BAIAP3: variants seen among roughly 807,000 people sequenced by gnomAD.
The protein encoded by BAIAP3 is BAI1 associated protein 3.
A neutral mutation model predicts 149.7 loss-of-function variants in BAIAP3; 180 were observed. The observed-to-expected ratio is 1.20, with a 90% CI of 1.07 to 1.36. The LOEUF (loss-of-function observed/expected upper bound fraction) is 1.36. Ranked by LOEUF, BAIAP3 falls within the 40% of genes most tolerant of loss-of-function variation. The pLI is 0.00. For synonymous variants in BAIAP3, 845 were observed against 670.7 expected (o/e 1.26, Z -4.02); for missense variants, 1,767 against 1,563.4 (o/e 1.13, Z -2.20).
At chr16:1,340,885 G>T in intron 5 of BAIAP3, 37 bp from the exon 6 acceptor site, 2 of 1,551,820 alleles carry the variant, frequency 1.3e-6, no homozygotes, top group Non-Finnish European at 1.7e-6. Flanking sequence ...CGCTTCAGGG[G>T]TTGCCTAGGC....
rs756395657 is a variant in BAIAP3 at position 1,345,864 on chromosome 16, CAG to C, written c.2183_2184del (p.Gln728ArgfsTer12). ...GGCGTGGCCTGACCCTGCCCAGGCTCAGGGGCTGGGCACCCAGCTTGGCCAGG... is the reference window on the plus strand; with the variant it reads ...GGCGTGGCCTGACCCTGCCCAGGCTCGGGCTGGGCACCCAGCTTGGCCAGG... ...RLAWPDPAQA[Q>X]GLGTQLGQDV... On this transcript the variant is annotated frameshift_variant, in exon 23 of 34. Transcript: ENST00000426824. LOFTEE classifies it high-confidence loss of function. 1.5e-5 allele frequency: 24 copies of C among 1,578,866 alleles called. No individual in the cohort carries two copies. In the South Asian group the frequency reaches 1.6e-4, roughly 11 times the overall value.
rs372896538 is a variant in BAIAP3, at chr16:1,348,066, G to A, written c.3150-30G>A. The A allele has an allele frequency of 5.4e-6, 8 of 1,474,942 alleles. No individual in the cohort carries two copies. The African/African-American group carries it at 1.8e-4, about 34-fold the overall frequency. The allele number at this position is 1,474,942 out of a possible 1,614,324, so 91.4% of individuals were successfully genotyped here. The stretch of plus-strand genomic sequence containing the variant: ...CAGCCCCAGGCTCCAGGCTGCCGGA[G>A]CGAGACTCCCGACTGGCCTCTGTCC... On this transcript the variant is annotated intron_variant, in intron 32 of 33. Transcript: ENST00000426824.
chr16:1,338,397 G>A (rs1703904408), intron 1 of BAIAP3, 143 bp from the exon 2 acceptor site: 1 of 1,087,622 alleles, frequency 9.2e-7, no homozygotes, highest in Non-Finnish European at 1.3e-6. Context: ...CTGACCAGGT[G>A]CCCAGCGCCA....
chr16:1,344,391 C>T (rs1029304205), intron 17 of BAIAP3, 74 bp downstream of exon 17: 9 of 1,609,620 alleles, frequency 5.6e-6, no homozygotes, highest in African/African-American at 1.3e-5. Context: ...GTCCCCTGCA[C>T]CTCTGCACCA....
Position 1,348,697 on chromosome 16 carries a change from C to T in BAIAP3, c.*215C>T, listed in dbSNP as rs1487102330. 25 of 604,748 alleles carry T rather than the reference C, an allele frequency of 4.1e-5. 1 individual carries two copies. The Admixed American group carries it at 7.0e-4, about 17-fold the overall frequency. 37.5% of individuals were successfully genotyped at this position (604,748 alleles called of 1,614,324 possible). On this transcript the variant is annotated 3_prime_UTR_variant, in exon 34 of 34. Transcript: ENST00000426824. ...TGCACCCAACCCCACATCTGGGTGG[C>T]CAACTTGGCAGGACTTGGCCAGCAG... is the stretch of plus-strand genomic sequence containing the variant.
At chr16:1,344,881 C>T (rs2034204845) in intron 20 of BAIAP3, 32 bp downstream of exon 20, 2 of 1,613,706 alleles carry the variant, frequency 1.2e-6, no homozygotes, top group Non-Finnish European at 8.5e-7. Context: ...GGGTGCCTGC[C>T]AGGCATGGGG....
At position 1,338,656 on chromosome 16, in the gene BAIAP3, C is replaced by T. The variant is rs1042827145; in HGVS notation, c.107C>T (p.Pro36Leu). The T allele has an allele frequency of 1.8e-5, 29 of 1,589,114 alleles. No homozygotes were observed. Among genetic ancestry groups the T allele is most frequent in the Non-Finnish European group, 2.3e-5 (27 of 1,169,624 alleles). ...GACCCAGGGAGTGCCAGCGCCGACC[C>T]GCAGGAGCCTGCCACGGGGGCCTGG... ...EQDPGSASADPQEPATGAWKP... is the reference protein window; with the variant it reads ...EQDPGSASADLQEPATGAWKP... The change falls in exon 2 of 34, where the codon CCG becomes CTG. Residue 36 changes from proline (P) to leucine (L), a missense_variant. Transcript: ENST00000426824.
chr16:1,335,865 A>C (rs7201634), intron 1 of BAIAP3, among the ~76,000 whole-genome samples: 1 of 152,152 alleles, frequency 6.6e-6, no homozygotes, highest in Non-Finnish European at 1.5e-5. Flanking sequence ...TGCCGTCCCC[A>C]GCCCACTTGC....
intron 10 of BAIAP3, 38 bp downstream of exon 10, chr16:1,342,101 C>G: frequency 1.3e-6 from 2 of 1,573,900 alleles, no homozygotes; most frequent in African/African-American, 1.3e-5. Context: ...TCACCCGTGC[C>G]CTCAGCTTGG....
rs547392058 is a variant in BAIAP3, at chr16:1,344,582, G to A, written c.1660-19G>A. The A allele has an allele frequency of 8.7e-6, 14 of 1,612,726 alleles. No individual in the cohort carries two copies. Among genetic ancestry groups the A allele is most frequent in the Middle Eastern group, 3.3e-4 (2 of 6,062 alleles). ...GTACGGGCAGCCGAGAGGTGGGTACGAGCTAGGCTTCCTTGCAGCCAGGAC... is the reference window on the plus strand; with the variant it reads ...GTACGGGCAGCCGAGAGGTGGGTACAAGCTAGGCTTCCTTGCAGCCAGGAC... On this transcript the variant is annotated intron_variant, in intron 18 of 33. Transcript: ENST00000426824.
In BAIAP3 at chr16:1,347,359, G is replaced by C. The variant is rs778593583; in HGVS notation, c.2813G>C (p.Gly938Ala). 68 of 1,613,430 alleles carry C rather than the reference G, an allele frequency of 4.2e-5. No homozygotes were observed. Among genetic ancestry groups the C allele is most frequent in the Non-Finnish European group, 1.7e-5 (20 of 1,179,980 alleles). Residue 938 changes from glycine (G) to alanine (A), a missense_variant, in exon 29 of 34, where the codon GGA (glycine) becomes GCA (alanine). By Grantham distance (60) the Gly-to-Ala change is moderately conservative (BLOSUM62 0). Coordinates refer to ENST00000426824, the MANE Select transcript of BAIAP3 (RefSeq NM_001199097.2). ...TTGCCCCTGGAGAGCCTGAGGGATG[G>C]AAGCTACAAGGTGAGGTGGGACCCT... Reference protein sequence around the residue: ...QGLPLESLRDGSYKRLKEELR... With the variant: ...QGLPLESLRDASYKRLKEELR...
Position 1,346,270 on chromosome 16 carries a change from T to C in BAIAP3, c.2402T>C (p.Val801Ala), listed in dbSNP as rs1182604671. ...WPEGATGPEG[V>A]LPRPLLSCTQ... Reference sequence around the variant, plus strand: ...GAGGGGGCCACGGGGCCCGAGGGGGTGCTCCCCCGCCCTCTGCTCAGCTGC... The same window carrying C: ...GAGGGGGCCACGGGGCCCGAGGGGGCGCTCCCCCGCCCTCTGCTCAGCTGC... Residue 801 changes from valine (V) to alanine (A), a missense_variant, in exon 25 of 34, where the codon GTG becomes GCG. Val to Ala is a moderately conservative substitution (Grantham distance 64). Coordinates refer to ENST00000426824, the MANE Select transcript of BAIAP3 (RefSeq NM_001199097.2). 6.2e-7 allele frequency: 1 copy of C among 1,609,080 alleles called. No individual in the cohort carries two copies. The highest frequency in any genetic ancestry group is 2.2e-5 in the East Asian group (1 of 44,754).
intron 1 of BAIAP3, among the ~76,000 whole-genome samples, chr16:1,334,217 T>C (rs1378326209): frequency 6.6e-6 from 1 of 151,612 alleles, no homozygotes; most frequent in Non-Finnish European, 1.5e-5. Flanking sequence ...GTAAGGCCCT[T>C]TAGTCCCCCC....
At position 1,346,594 on chromosome 16, in the gene BAIAP3, C is replaced by A. The variant is rs1414178931; in HGVS notation, c.2563-11C>A. On this transcript the variant is annotated splice_polypyrimidine_tract_variant and intron_variant, in intron 26 of 33. Coordinates refer to ENST00000426824, the MANE Select transcript of BAIAP3 (RefSeq NM_001199097.2). Reference sequence around the variant, plus strand: ...GCGGGGTAAGCCTGGCCTGACCACCCCTGCCCGCAGGCCGTGGCCCCGCTC... The same window carrying A: ...GCGGGGTAAGCCTGGCCTGACCACCACTGCCCGCAGGCCGTGGCCCCGCTC... 25 of 1,559,320 alleles carry A rather than the reference C, an allele frequency of 1.6e-5. No individual in the cohort carries two copies. The highest frequency in any genetic ancestry group is 3.9e-5 in the Admixed American group (2 of 51,834).
At position 1,349,166 on chromosome 16, in the gene BAIAP3, C is replaced by A; in HGVS notation, c.*684C>A. The A allele has an allele frequency of 3.9e-6, 2 of 509,846 alleles. No homozygotes were observed. The highest frequency in any genetic ancestry group is 3.6e-5 in the East Asian group (1 of 27,612). The allele number at this position is 509,846 out of a possible 1,614,324, so 31.6% of individuals were successfully genotyped here. A position where few individuals can be genotyped will look rare whatever the true frequency, so the allele number is the denominator to read the frequency against. ...TGGCCACCTGAGACCTGCTCCACGA[C>A]CCTTCCAGGCAGAGCCGAGAGTTCG... On this transcript the variant is annotated 3_prime_UTR_variant, in exon 34 of 34. Transcript: ENST00000426824.
chr16:1,344,614 G>T lies in BAIAP3; in HGVS notation c.1673G>T (p.Arg558Leu), dbSNP rs914004045. Reference sequence around the variant, plus strand: ...GCTTCCTTGCAGCCAGGACCACAGCGCCTGCCTGGGCTGGTTGTGCTGGCT... The same window carrying T: ...GCTTCCTTGCAGCCAGGACCACAGCTCCTGCCTGGGCTGGTTGTGCTGGCT... ...KSPREQPGPQRLPGLVVLADA... is the reference protein window; with the variant it reads ...KSPREQPGPQLLPGLVVLADA... Residue 558 changes from arginine to leucine, a missense_variant, in exon 19 of 34, where the codon CGC (arginine) becomes CTC (leucine). Physicochemically the swap from Arg to Leu is moderately radical, Grantham distance 102. Transcript: ENST00000426824. 3 of 1,613,078 alleles carry T rather than the reference G, an allele frequency of 1.9e-6. No individual in the cohort carries two copies. The highest frequency in any genetic ancestry group is 8.5e-7 in the Non-Finnish European group (1 of 1,180,012).
rs781460625 is a variant in BAIAP3 at position 1,338,648 on chromosome 16, C to T, written c.99C>T (p.Ser33=). The change falls in exon 2 of 34, where the codon AGC becomes AGT. Residue 33 remains serine, a synonymous_variant. Coordinates refer to ENST00000426824, the MANE Select transcript of BAIAP3 (RefSeq NM_001199097.2). ...RRTEQDPGSA[S]ADPQEPATGA... ...CTGAGCAGGACCCAGGGAGTGCCAG[C>T]GCCGACCCGCAGGAGCCTGCCACGG... The T allele has an allele frequency of 7.5e-6, 12 of 1,591,844 alleles. No individual in the cohort carries two copies. Among genetic ancestry groups the T allele is most frequent in the East Asian group, 2.3e-5 (1 of 43,848 alleles).
rs370856372 is a variant in BAIAP3 at position 1,343,996 on chromosome 16, G to A, written c.1387-26G>A. On this transcript the variant is annotated intron_variant, in intron 15 of 33. Transcript: ENST00000426824. ...TCATCAGTGGCCGGTCGGGGCTGCT[G>A]GCACTGAAGGGCCCTGTCCCCACAG... 3 of 1,610,796 alleles carry A rather than the reference G, an allele frequency of 1.9e-6. No homozygotes were observed. In the African/African-American group the frequency reaches 4.0e-5, roughly 22 times the overall value.
At chr16:1,348,357 C>T (rs775999007) in intron 33 of BAIAP3, 22 bp from the exon 34 acceptor site, 9 of 1,610,240 alleles carry the variant, frequency 5.6e-6, no homozygotes, top group African/African-American at 4.0e-5. Flanking sequence ...GGCCCCCACA[C>T]ACCTGCCCGC....
Sources: allele counts gnomAD v4.1 joint callset (sites outside exome capture counted in the v4.1 genomes callset), GRCh38; gene constraint gnomAD v4.1.1; transcripts MANE v1.5; gene names NCBI Gene and HGNC (gene_info 2026-07-23, HGNC 2026-07-21).